The following RFPL1 variants were observed in gnomAD, a reference collection of about 807,000 sequenced individuals.
The protein encoded by RFPL1 is ret finger protein like 1.
A neutral mutation model predicts 9.6 loss-of-function variants in RFPL1; 6 were observed. That is an observed-to-expected ratio of 0.62 (90% CI 0.34 to 1.23). The LOEUF is 1.23. RFPL1 is among the 50% of genes most tolerant of loss of function. RFPL1 has a pLI of 0.03. For synonymous variants in RFPL1, 145 were observed against 149.4 expected, an observed-to-expected ratio of 0.97 and a Z score of 0.22; for missense variants, 352 against 398.4, an observed-to-expected ratio of 0.88 and a Z score of 0.99.
the RFPL1 span, chr22:29,433,025 TG>T: frequency 6.6e-6 from 1 of 152,200 alleles, no homozygotes; most frequent in Non-Finnish European, 1.5e-5. Flanking sequence ...CCAGGCACAT[TG>T]GCTCACGCCT....
chr22:29,407,524 TC>T, the RFPL1 span, among the ~76,000 whole-genome samples: 1 of 151,460 alleles, frequency 6.6e-6, no homozygotes, highest in South Asian at 2.1e-4. Flanking sequence ...ACCAGTGAAA[TC>T]ATCTGAATAT....
At chr22:29,424,521 A>G in the RFPL1 span, among the ~76,000 whole-genome samples, 1 of 152,086 alleles carries the variant, frequency 6.6e-6, no homozygotes, top group African/African-American at 2.4e-5. Context: ...CCAAGGTCAA[A>G]TGGCTTGTAA....
the RFPL1 span, among the ~76,000 whole-genome samples, chr22:29,414,139 T>G: frequency 6.6e-6 from 1 of 152,050 alleles, no homozygotes; most frequent in African/African-American, 2.4e-5. Context: ...ACTTTCTGAC[T>G]TATTGGAAAC....
chr22:29,397,760 C>G, the RFPL1 span, among the ~76,000 whole-genome samples: 2 of 152,072 alleles, frequency 1.3e-5, no homozygotes, highest in Non-Finnish European at 2.9e-5. Context: ...AGATTGGGAC[C>G]CTGCTTGAGT....
chr22:29,399,273 A>C, the RFPL1 span, among the ~76,000 whole-genome samples: 3 of 152,078 alleles, frequency 2.0e-5, no homozygotes, highest in African/African-American at 7.2e-5. Flanking sequence ...AAAAAAAAAA[A>C]AGTTTTAAAA....
At chr22:29,406,897 A>G in the RFPL1 span, among the ~76,000 whole-genome samples, 9 of 152,230 alleles carry the variant, frequency 5.9e-5, no homozygotes, top group African/African-American at 2.2e-4. Flanking sequence ...AAATTAAATC[A>G]TTAAGTTCAT....
At chr22:29,442,151 G>A in exon 2 of RFPL1, 3 of 1,491,168 alleles carry the variant, frequency 2.0e-6, no homozygotes, top group Non-Finnish European at 2.7e-6. Context: ...CAAAAAACAG[G>A]TTAAGAAAAT....
chr22:29,436,362 A>G (rs1391644759), upstream of RFPL1, among the ~76,000 whole-genome samples: 1 of 151,920 alleles, frequency 6.6e-6, no homozygotes, highest in African/African-American at 2.4e-5. Flanking sequence ...AGGCCGAGGC[A>G]GGCGGGTTAC....
chr22:29,388,143 C>G, the RFPL1 span, among the ~76,000 whole-genome samples: 1 of 152,378 alleles, frequency 6.6e-6, no homozygotes, highest in East Asian at 1.9e-4. Context: ...TTCCCTCAGG[C>G]CAGTGGGGAA....
chr22:29,397,913 A>T, the RFPL1 span, among the ~76,000 whole-genome samples: 3 of 152,232 alleles, frequency 2.0e-5, no homozygotes, highest in Admixed American at 6.5e-5. Flanking sequence ...CAAGGGGACA[A>T]TGATGGCCCT....
the RFPL1 span, among the ~76,000 whole-genome samples, chr22:29,419,809 A>G: frequency 6.6e-6 from 1 of 151,796 alleles, no homozygotes; most frequent in Non-Finnish European, 1.5e-5. Context: ...TCCAAAAAAA[A>G]AAAAAAAGAA....
At chr22:29,407,788 T>A in the RFPL1 span, among the ~76,000 whole-genome samples, 1 of 152,234 alleles carries the variant, frequency 6.6e-6, no homozygotes, top group South Asian at 2.1e-4. Flanking sequence ...CTTTCCTTTG[T>A]GGGTAGCCAA....
chr22:29,412,522 G>T, the RFPL1 span, among the ~76,000 whole-genome samples: 1 of 152,060 alleles, frequency 6.6e-6, no homozygotes, highest in Non-Finnish European at 1.5e-5. Flanking sequence ...ACTTACTTTG[G>T]AGATGGTTTA....
the RFPL1 span, among the ~76,000 whole-genome samples, chr22:29,408,154 T>C: frequency 6.6e-6 from 1 of 152,200 alleles, no homozygotes; most frequent in African/African-American, 2.4e-5. Flanking sequence ...CCACAGAAGT[T>C]AAATGATCTT....
the RFPL1 span, among the ~76,000 whole-genome samples, chr22:29,414,383 G>A: frequency 2.6e-5 from 4 of 152,140 alleles, no homozygotes; most frequent in Admixed American, 1.3e-4. Flanking sequence ...TGAAAACCTT[G>A]TAAGTGTGGG....
chr22:29,397,246 G>C, the RFPL1 span, among the ~76,000 whole-genome samples: 1 of 152,164 alleles, frequency 6.6e-6, no homozygotes, highest in Non-Finnish European at 1.5e-5. Context: ...AATGACATAA[G>C]TTCAACAACT....
the RFPL1 span, among the ~76,000 whole-genome samples, chr22:29,424,723 C>T: frequency 2.7e-5 from 4 of 149,146 alleles, no homozygotes; most frequent in African/African-American, 5.0e-5. Context: ...CCCATCTACT[C>T]GGGAGGCTGA....
intron 1 of RFPL1, chr22:29,440,836 A>G (rs924052871): frequency 6.6e-6 from 1 of 152,172 alleles, no homozygotes; most frequent in Non-Finnish European, 1.5e-5. Context: ...CGGCCTCCCA[A>G]AGTGCTGGGA....
chr22:29,419,813 A>AG, the RFPL1 span, among the ~76,000 whole-genome samples: 1 of 151,710 alleles, frequency 6.6e-6, no homozygotes, highest in African/African-American at 2.4e-5. Flanking sequence ...AAAAAAAAAA[A>AG]AAAGAAAAGA....
Sources: allele counts gnomAD v4.1 joint callset (sites outside exome capture counted in the v4.1 genomes callset), GRCh38; gene constraint gnomAD v4.1.1; transcripts MANE v1.5; gene names NCBI Gene and HGNC (gene_info 2026-07-23, HGNC 2026-07-21).